The following JADE2 variants were observed in gnomAD, a reference collection of about 807,000 sequenced individuals.
The protein encoded by JADE2 is E3 ubiquitin-protein ligase Jade-2.
In JADE2, 13 loss-of-function variants were observed where a neutral mutation model predicts 85.7. The ratio of observed to expected loss-of-function variants is 0.15; its 90% confidence interval spans 0.10 to 0.24. The LOEUF (loss-of-function observed/expected upper bound fraction) is 0.24. Ranked by LOEUF, JADE2 falls within the 10% of genes least tolerant of loss-of-function variation. The pLI, the probability that JADE2 is intolerant of heterozygous loss-of-function variation, is 1.00. For synonymous variants in JADE2, 440 were observed against 456.1 expected (o/e 0.96, Z 0.45); for missense variants, 846 against 1,115.9 (o/e 0.76, Z 3.45).
Position 134,538,077 on chromosome 5 carries a change from C to G in JADE2, c.147C>G (p.Pro49=). 1 of 1,613,302 alleles carries G rather than the reference C, an allele frequency of 6.2e-7. No homozygotes were observed. The highest frequency in any genetic ancestry group is 8.5e-7 in the Non-Finnish European group (1 of 1,179,240). The part of the protein sequence containing the change: ...SGWPRQNEKK[P]SEVFRTDLIT... ...GGCCCCGACAGAACGAAAAGAAGCC[C>G]TCCGAGGTGGGTAGTGATGAGCTTC... Residue 49 remains proline (P), a synonymous_variant, in exon 3 of 12, where the codon CCC becomes CCG. Coordinates refer to ENST00000681547, the MANE Select transcript of JADE2 (RefSeq NM_001388185.1).
At chr5:134,527,379 G>A (rs1169853579) in intron 1 of JADE2, among the ~76,000 whole-genome samples, 1 of 152,068 alleles carries the variant, frequency 6.6e-6, no homozygotes, top group African/African-American at 2.4e-5. Flanking sequence ...TCAACTTGGC[G>A]ATTCGCAGCT....
intron 4 of JADE2, among the ~76,000 whole-genome samples, chr5:134,553,631 C>T (rs1441816418): frequency 2.6e-5 from 4 of 152,224 alleles, no homozygotes; most frequent in African/African-American, 7.2e-5. Context: ...GGATTGCAGG[C>T]GTGAGCCACT....
intron 1 of JADE2, 92 bp from the exon 2 acceptor site, chr5:134,535,766 A>C (rs1032398136): frequency 1.6e-5 from 16 of 1,014,316 alleles, no homozygotes; most frequent in African/African-American, 3.2e-5. Context: ...CAGTGTCATA[A>C]GTGTGGGGAG....
At chr5:134,548,613 G>A (rs145631304) in intron 3 of JADE2, among the ~76,000 whole-genome samples, 134 of 152,302 alleles carry the variant, frequency 8.8e-4, no homozygotes, top group African/African-American at 3.0e-3. Flanking sequence ...AGGATGAAAC[G>A]TGGAACTCTC....
intron 6 of JADE2, among the ~76,000 whole-genome samples, chr5:134,561,577 C>T (rs1308013710): frequency 6.6e-6 from 1 of 152,114 alleles, no homozygotes; most frequent in Non-Finnish European, 1.5e-5. Flanking sequence ...TGACTGCAGA[C>T]CTGACTGGGA....
Position 134,580,435 on chromosome 5 carries a change from C to CCG in JADE2, c.*1118_*1119insCG, listed in dbSNP as rs1554131240. 1 of 125,162 alleles carries CCG rather than the reference C, an allele frequency of 8.0e-6. No homozygotes were observed. The highest frequency in any genetic ancestry group is 1.7e-5 in the Non-Finnish European group (1 of 58,078). 7.8% of individuals were successfully genotyped at this position (125,162 alleles called of 1,614,324 possible). ...CCCCTCGCACAGCCATCCCCCCCCC[C>CCG]GTCCTGCCATCCCCCCCCGCCGTCC... is the stretch of plus-strand genomic sequence containing the variant. On this transcript the variant is annotated 3_prime_UTR_variant, in exon 12 of 12. Coordinates refer to ENST00000681547, the MANE Select transcript of JADE2 (RefSeq NM_001388185.1).
chr5:134,573,935 G>A lies in JADE2; in HGVS notation c.1552+173G>A, dbSNP rs987529353. On this transcript the variant is annotated intron_variant, in intron 10 of 11. Transcript: ENST00000681547. ...AATTAGTAGGCCCAGACGGGGGCCT[G>A]CAAGGGTCCTGAGTTGTGCGTCACT... 8 of 697,626 alleles carry A rather than the reference G, an allele frequency of 1.1e-5. No homozygotes were observed. The Middle Eastern group carries it at 7.2e-4, about 62-fold the overall frequency. The allele number at this position is 697,626 out of a possible 1,614,324, so 43.2% of individuals were successfully genotyped here.
intron 3 of JADE2, among the ~76,000 whole-genome samples, chr5:134,547,800 C>A (rs182829549): frequency 6.6e-6 from 1 of 152,328 alleles, no homozygotes; most frequent in Non-Finnish European, 1.5e-5. Flanking sequence ...TAGCATGTGC[C>A]AGACCCTGCT....
chr5:134,542,507 T>A (rs965362715), intron 3 of JADE2, among the ~76,000 whole-genome samples: 2 of 148,836 alleles, frequency 1.3e-5, no homozygotes, highest in African/African-American at 5.0e-5. Context: ...AATGGTACGA[T>A]CTCAGCTCAC....
intron 1 of JADE2, among the ~76,000 whole-genome samples, chr5:134,527,940 A>G (rs995278532): frequency 3.9e-5 from 6 of 152,136 alleles, no homozygotes; most frequent in African/African-American, 1.4e-4. Flanking sequence ...CCCCTGGGTC[A>G]TCTTCTGCAG....
chr5:134,538,551 T>C (rs1199709046), intron 3 of JADE2, among the ~76,000 whole-genome samples: 1 of 152,206 alleles, frequency 6.6e-6, no homozygotes, highest in African/African-American at 2.4e-5. Flanking sequence ...AGGTTCCTTA[T>C]ACCCATTTCA....
Position 134,578,254 on chromosome 5 carries a change from A to G in JADE2, c.1682-240A>G, listed in dbSNP as rs1261326792. ...ATATTTTCATTTTACACTCTAGCCC[A>G]CAAATTATGAAGCCCATCTTGAGGG... is the stretch of plus-strand genomic sequence containing the variant. On this transcript the variant is annotated intron_variant, in intron 11 of 11. Transcript: ENST00000681547. This position sits in a 1 kb window ranked among gnomAD's most constrained non-coding sequence, Gnocchi z 4.4. 6.6e-6 allele frequency among the ~76,000 whole-genome samples: 1 copy of G among 152,234 alleles called. No individual in the cohort carries two copies. The highest frequency in any genetic ancestry group is 6.5e-5 in the Admixed American group (1 of 15,292).
At chr5:134,550,938 C>G (rs145514989) in intron 3 of JADE2, among the ~76,000 whole-genome samples, 14 of 152,312 alleles carry the variant, frequency 9.2e-5, no homozygotes, top group African/African-American at 2.6e-4. Flanking sequence ...TCCTACCCCC[C>G]CTTCCCCAAC....
intron 3 of JADE2, among the ~76,000 whole-genome samples, chr5:134,548,690 AC>A (rs57528322): frequency 0.033 from 5,083 of 152,180 alleles, 289 homozygotes; most frequent in African/African-American, 0.11. Flanking sequence ...TCTGAAGTTG[AC>A]CCTGGGAGCC....
Position 134,579,435 on chromosome 5 carries a change from T to C in JADE2, c.*118T>C. 1 of 756,018 alleles carries C rather than the reference T, an allele frequency of 1.3e-6. No individual in the cohort carries two copies. Among genetic ancestry groups the C allele is most frequent in the South Asian group, 1.9e-5 (1 of 52,844 alleles). 46.8% of individuals were successfully genotyped at this position (756,018 alleles called of 1,614,324 possible). On this transcript the variant is annotated 3_prime_UTR_variant, in exon 12 of 12. Coordinates refer to ENST00000681547, the MANE Select transcript of JADE2 (RefSeq NM_001388185.1). The surrounding 1 kb of genome is among the most constrained non-coding windows in gnomAD (Gnocchi z 4.6). The stretch of plus-strand genomic sequence containing the variant: ...CCAGACCCTCGAGGCTGCCACTCCG[T>C]CGTGGTTTTATTTTTAATATAGAGA...
rs1296610698 is a variant in JADE2, at chr5:134,566,772, C to T, written c.1434+192C>T. On this transcript the variant is annotated intron_variant, in intron 9 of 11. Transcript: ENST00000681547. This position sits in a 1 kb window ranked among gnomAD's most constrained non-coding sequence, Gnocchi z 6.7. ...TCCCAAAGAGTATGGGGGTGACTGA[C>T]ACTTTACAGAACAGAGAAGAGTCCA... 6.6e-6 allele frequency among the ~76,000 whole-genome samples: 1 copy of T among 152,236 alleles called. No individual in the cohort carries two copies. The highest frequency in any genetic ancestry group is 1.5e-5 in the Non-Finnish European group (1 of 68,048).
intron 4 of JADE2, among the ~76,000 whole-genome samples, chr5:134,555,123 C>G (rs1762831724): frequency 6.6e-6 from 1 of 152,124 alleles, no homozygotes. Context: ...CTGCCCTCCC[C>G]CAGCTGCCAC....
chr5:134,529,977 G>A (rs902353706), intron 1 of JADE2, among the ~76,000 whole-genome samples: 1 of 152,272 alleles, frequency 6.6e-6, no homozygotes, highest in Non-Finnish European at 1.5e-5. Context: ...ACAGGCAATG[G>A]CTGGTGTTGC....
intron 1 of JADE2, among the ~76,000 whole-genome samples, chr5:134,529,942 C>T (rs1028672253): frequency 1.8e-4 from 28 of 152,232 alleles, no homozygotes; most frequent in Non-Finnish European, 4.0e-4. Flanking sequence ...GAGCTGAGTC[C>T]CCTCTGGGAC....
Sources: gnomAD v4.1 joint callset for allele counts (sites outside exome capture counted in the v4.1 genomes callset) on GRCh38, gnomAD v4.1.1 for gene constraint, Gnocchi (gnomAD v3.1) non-coding constraint, MANE v1.5 for transcripts, NCBI Gene and HGNC (gene_info 2026-07-23, HGNC 2026-07-21) for gene names.